Variants in ZFAND6 observed in about 807,000 individuals in gnomAD.
The protein encoded by ZFAND6 is zinc finger AN1-type containing 6.
Under a neutral mutation model 24.5 loss-of-function variants are expected in ZFAND6, and 12 were observed. The observed-to-expected ratio is 0.49, with a 90% confidence interval of 0.31 to 0.79. The LOEUF (loss-of-function observed/expected upper bound fraction) is 0.79. ZFAND6 is among the 30% of genes least tolerant of loss of function. The pLI is 0.04. For synonymous variants in ZFAND6, 92 were observed against 81.5 expected, an observed-to-expected ratio of 1.13 and a Z score of -0.69; for missense variants, 207 against 245.9, an observed-to-expected ratio of 0.84 and a Z score of 1.06.
chr15:80,133,174 GT>G (rs932215585), intron 6 of ZFAND6, among the ~76,000 whole-genome samples: 1 of 143,662 alleles, frequency 7.0e-6, no homozygotes, highest in Admixed American at 7.3e-5. Flanking sequence ...AAAGGATGGT[GT>G]TTTTTTTTGT....
chr15:80,137,147 G>A (rs1368055381), intron 6 of ZFAND6, among the ~76,000 whole-genome samples: 1 of 152,206 alleles, frequency 6.6e-6, no homozygotes, highest in Non-Finnish European at 1.5e-5. Flanking sequence ...CTGACAGTAG[G>A]CTTATTCTCA....
At chr15:80,128,489 G>T (rs1259934384) in intron 5 of ZFAND6, among the ~76,000 whole-genome samples, 59 of 152,166 alleles carry the variant, frequency 3.9e-4, no homozygotes, top group Non-Finnish European at 4.4e-5. Context: ...AGCTAGAAAG[G>T]TTGTTTGGAA....
At chr15:80,117,547 T>C (rs1022547251) in intron 2 of ZFAND6, among the ~76,000 whole-genome samples, 3 of 152,158 alleles carry the variant, frequency 2.0e-5, no homozygotes, top group Non-Finnish European at 4.4e-5. Context: ...TAATAACCAG[T>C]TTATTAGTCA....
At chr15:80,101,100 G>A (rs1460790360) in intron 2 of ZFAND6, among the ~76,000 whole-genome samples, 1 of 152,134 alleles carries the variant, frequency 6.6e-6, no homozygotes, top group Non-Finnish European at 1.5e-5. Flanking sequence ...TTAAGAATTT[G>A]AACATTACAA....
chr15:80,067,062 A>C (rs1431322283), intron 1 of ZFAND6, among the ~76,000 whole-genome samples: 1 of 152,220 alleles, frequency 6.6e-6, no homozygotes, highest in Non-Finnish European at 1.5e-5. Flanking sequence ...AACTGCTGGC[A>C]CAAATGGTAC....
chr15:80,105,089 T>C (rs1466893080), intron 2 of ZFAND6, among the ~76,000 whole-genome samples: 2 of 152,202 alleles, frequency 1.3e-5, no homozygotes, highest in African/African-American at 2.4e-5. Flanking sequence ...TCTAAGATCA[T>C]TTCCCACTAT....
chr15:80,120,437 A>G lies in ZFAND6; in HGVS notation c.93A>G (p.Ser31=). The G allele has an allele frequency of 6.2e-7, 1 of 1,602,714 alleles. No homozygotes were observed. The highest frequency in any genetic ancestry group is 1.1e-5 in the South Asian group (1 of 89,700). ...ACCCTCGTACAAATGGCATGTGTTC[A>G]GTATGCTATAAAGAACATCTTCAAA... ...YGNPRTNGMC[S]VCYKEHLQRQ... Residue 31 remains serine (S), a synonymous_variant, in exon 3 of 7, where the codon TCA becomes TCG. Transcript: ENST00000261749.
chr15:80,097,835 A>G (rs2038819889), intron 1 of ZFAND6, among the ~76,000 whole-genome samples: 1 of 152,062 alleles, frequency 6.6e-6, no homozygotes, highest in Non-Finnish European at 1.5e-5. Flanking sequence ...GTTTAGTAGA[A>G]TAGTTTTTTT....
chr15:80,115,286 A>C (rs1238841549), intron 2 of ZFAND6, among the ~76,000 whole-genome samples: 2 of 152,184 alleles, frequency 1.3e-5, no homozygotes, highest in Admixed American at 6.5e-5. Context: ...GAATGTTATG[A>C]ACAGTCAAAA....
At chr15:80,124,482 T>G (rs1382715923) in intron 5 of ZFAND6, among the ~76,000 whole-genome samples, 1 of 152,142 alleles carries the variant, frequency 6.6e-6, no homozygotes, top group African/African-American at 2.4e-5. Context: ...TGTATAAAGC[T>G]TAAGAATACA....
At chr15:80,102,927 T>C (rs572449915) in intron 2 of ZFAND6, among the ~76,000 whole-genome samples, 8 of 152,380 alleles carry the variant, frequency 5.3e-5, no homozygotes, top group African/African-American at 1.7e-4. Flanking sequence ...TAAAAATCTT[T>C]GGAAAATCAT....
Position 80,089,808 on chromosome 15 carries a change from T to C in ZFAND6, c.-180-8608T>C, listed in dbSNP as rs1596238107. 9.8e-5 allele frequency among the ~76,000 whole-genome samples: 15 copies of C among 152,316 alleles called. No homozygotes were observed. In the South Asian group the frequency reaches 2.9e-3, roughly 29 times the overall value. Reference sequence around the variant, plus strand: ...TTGAACTATGTTTTCCTTTTTATTTTTCTAATCATCTAGAATCCAGCCTAA... The same window carrying C: ...TTGAACTATGTTTTCCTTTTTATTTCTCTAATCATCTAGAATCCAGCCTAA... On this transcript the variant is annotated intron_variant, in intron 1 of 6. Coordinates refer to ENST00000261749, the MANE Select transcript of ZFAND6 (RefSeq NM_019006.4).
chr15:80,132,941 TAAA>T (rs3974671), intron 6 of ZFAND6, among the ~76,000 whole-genome samples: 2 of 145,358 alleles, frequency 1.4e-5, no homozygotes, highest in Admixed American at 6.8e-5. Flanking sequence ...GGACTATTGT[TAAA>T]AAAAAAAAAA....
chr15:80,115,464 C>T (rs965392607), intron 2 of ZFAND6, among the ~76,000 whole-genome samples: 5 of 152,186 alleles, frequency 3.3e-5, no homozygotes, highest in African/African-American at 1.2e-4. Context: ...CTCCCCTTAT[C>T]CCTTTTCCTC....
intron 1 of ZFAND6, among the ~76,000 whole-genome samples, chr15:80,078,576 A>G (rs1303237431): frequency 6.6e-6 from 1 of 152,246 alleles, no homozygotes; most frequent in East Asian, 1.9e-4. Context: ...GTATATACCC[A>G]GTAATGGGAT....
At chr15:80,127,669 C>T (rs113662156) in intron 5 of ZFAND6, among the ~76,000 whole-genome samples, 3 of 151,154 alleles carry the variant, frequency 2.0e-5, no homozygotes, top group South Asian at 2.1e-4. Flanking sequence ...GACACCACTT[C>T]GTATCCACTA....
intron 6 of ZFAND6, among the ~76,000 whole-genome samples, chr15:80,132,682 T>A (rs539208477): frequency 6.6e-6 from 1 of 152,244 alleles, no homozygotes; most frequent in Non-Finnish European, 1.5e-5. Flanking sequence ...CTTGTGGTTC[T>A]CATGTATTTT....
chr15:80,082,026 A>G (rs964238580), intron 1 of ZFAND6, among the ~76,000 whole-genome samples: 1 of 152,242 alleles, frequency 6.6e-6, no homozygotes, highest in Non-Finnish European at 1.5e-5. Context: ...GCAATCCTGG[A>G]ATGGCAAAAT....
At chr15:80,095,453 C>T (rs932981775) in intron 1 of ZFAND6, among the ~76,000 whole-genome samples, 1 of 152,140 alleles carries the variant, frequency 6.6e-6, no homozygotes, top group African/African-American at 2.4e-5. Context: ...TTCTGTAATA[C>T]ATAATTTGTG....
Sources: allele counts gnomAD v4.1 joint callset (sites outside exome capture counted in the v4.1 genomes callset), GRCh38; gene constraint gnomAD v4.1.1; transcripts MANE v1.5; gene names NCBI Gene and HGNC (gene_info 2026-07-23, HGNC 2026-07-21).